Variants in ARAP2 observed in about 807,000 individuals in gnomAD.
ARAP2 encodes ArfGAP with RhoGAP domain, ankyrin repeat and PH domain 2, also known as arf-GAP with Rho-GAP domain, ANK repeat and PH domain-containing protein 2.
In ARAP2, 148 loss-of-function variants were observed where a neutral mutation model predicts 194.5. The ratio of observed to expected loss-of-function variants is 0.76; its 90% confidence interval spans 0.67 to 0.87. The LOEUF (loss-of-function observed/expected upper bound fraction) is 0.87. Ranked by LOEUF, ARAP2 falls within the 40% of genes least tolerant of loss-of-function variation. The pLI is 0.00. For missense variants in ARAP2, 2,128 were observed against 1,989.7 expected (o/e 1.07, Z -1.32); for synonymous variants, 695 against 683.5 (o/e 1.02, Z -0.26).
In ARAP2 at chr4:36,137,696, A is replaced by G. The variant is rs73809125; in HGVS notation, c.3264-4307T>C. Among the ~76,000 whole-genome samples the G allele has an allele frequency of 5.3e-3, 809 of 151,844 alleles. 11 individuals are homozygous for G. Among genetic ancestry groups the G allele is most frequent in the African/African-American group, 0.018 (762 of 41,460 alleles). On this transcript the variant is annotated intron_variant, in intron 19 of 32. Coordinates refer to ENST00000303965, the MANE Select transcript of ARAP2 (RefSeq NM_015230.4). ...CTAAGAGCCAGAAACAACGTGTTTA[A>G]GGTATCAGAACTAGGTAGGAATTGC...
chr4:36,240,804 T>C (rs1012648856), intron 1 of ARAP2, among the ~76,000 whole-genome samples: 10 of 152,184 alleles, frequency 6.6e-5, no homozygotes, highest in African/African-American at 1.4e-4. Flanking sequence ...ATTTTACTTA[T>C]AGCACAATCT....
chr4:36,060,119 T>C lies in ARAP2; in HGVS notation n.148-1976A>G, dbSNP rs1445894079. Among the ~76,000 whole-genome samples, 4 of 152,296 alleles carry C rather than the reference T, an allele frequency of 2.6e-5. No homozygotes were observed. The East Asian group carries it at 5.8e-4, about 22-fold the overall frequency. On this transcript the variant is annotated intron_variant and non_coding_transcript_variant, in intron 1 of 12. Coordinates refer to the ARAP2 transcript ENST00000503225. ...AGCCAGTCAACAGGCTGTAAAATCA[T>C]GGTTTGGGTCAGCTGGGTTGATTGA...
chr4:36,210,272 C>T lies in ARAP2; in HGVS notation c.1487+118G>A. The T allele has an allele frequency of 3.4e-6, 3 of 889,868 alleles. No individual in the cohort carries two copies. In the South Asian group the frequency reaches 5.7e-5, roughly 17 times the overall value. The allele number at this position is 889,868 out of a possible 1,614,324, so 55.1% of individuals were successfully genotyped here. On this transcript the variant is annotated intron_variant, in intron 6 of 32. Transcript: ENST00000303965. Reference sequence around the variant, plus strand: ...CTGAAAGTCCCTAAAAATGGCATCTCTGTGTATGTGTGTGTGTGGCGGTGG... The same window carrying T: ...CTGAAAGTCCCTAAAAATGGCATCTTTGTGTATGTGTGTGTGTGGCGGTGG...
intron 7 of ARAP2, among the ~76,000 whole-genome samples, chr4:36,191,839 G>C (rs1270541597): frequency 6.6e-6 from 1 of 152,052 alleles, no homozygotes; most frequent in African/African-American, 2.4e-5. Context: ...TTTCTTTGCA[G>C]GGGATAAAAT....
intron 3 of ARAP2, among the ~76,000 whole-genome samples, chr4:36,050,902 A>C (rs1722554375): frequency 6.6e-6 from 1 of 152,226 alleles, no homozygotes. Context: ...CCATCACTGA[A>C]ATCTGACTTA....
chr4:36,244,480 G>C lies in ARAP2; in HGVS notation c.-461C>G, dbSNP rs1336388521. The C allele has an allele frequency of 1.3e-5, 2 of 150,892 alleles. No homozygotes were observed. The highest frequency in any genetic ancestry group is 2.4e-5 in the African/African-American group (1 of 41,260). 9.3% of individuals were successfully genotyped at this position (150,892 alleles called of 1,614,324 possible). A position where few individuals can be genotyped will look rare whatever the true frequency, so the allele number is the denominator to read the frequency against. ...AGCCCGGCGCCCGCGCCTTGCTCAGGTGCTCCCGCGCCTCGCCTCGGCCGC... is the reference window on the plus strand; with the variant it reads ...AGCCCGGCGCCCGCGCCTTGCTCAGCTGCTCCCGCGCCTCGCCTCGGCCGC... On this transcript the variant is annotated 5_prime_UTR_variant, in exon 1 of 33. Transcript: ENST00000303965.
chr4:36,094,600 A>ATTC (rs1714678480), intron 27 of ARAP2, among the ~76,000 whole-genome samples: 1 of 152,184 alleles, frequency 6.6e-6, no homozygotes, highest in African/African-American at 2.4e-5. Flanking sequence ...ATTCCCAGGA[A>ATTC]CACAACAGAA....
At chr4:36,109,805 T>C in intron 26 of ARAP2, among the ~76,000 whole-genome samples, 1 of 151,832 alleles carries the variant, frequency 6.6e-6, no homozygotes, top group South Asian at 2.1e-4. Context: ...GTTGGTGTGC[T>C]GCACCCATTA....
chr4:36,135,718 A>G (rs1351106985), intron 19 of ARAP2, among the ~76,000 whole-genome samples: 1 of 151,808 alleles, frequency 6.6e-6, no homozygotes, highest in Non-Finnish European at 1.5e-5. Context: ...TGATTATGTG[A>G]ACTTAATCAA....
At chr4:36,021,722 T>C (rs935982474) in intron 5 of ARAP2, among the ~76,000 whole-genome samples, 5 of 152,084 alleles carry the variant, frequency 3.3e-5, no homozygotes, top group African/African-American at 1.2e-4. Flanking sequence ...CAGCCTAATA[T>C]AGGATATGTG....
chr4:36,205,597 T>C (rs1278378021), intron 6 of ARAP2, among the ~76,000 whole-genome samples: 1 of 63,926 alleles, frequency 1.6e-5, no homozygotes, highest in Non-Finnish European at 3.1e-5. Flanking sequence ...TAAAATGGTG[T>C]CCTGAAAAAA....
At chr4:36,119,240 T>A (rs910889998) in intron 24 of ARAP2, among the ~76,000 whole-genome samples, 5 of 151,516 alleles carry the variant, frequency 3.3e-5, no homozygotes, top group Non-Finnish European at 7.4e-5. Context: ...TATGAAAGCA[T>A]GCAAAGCAAA....
At chr4:36,122,352 G>A (rs1722862664) in intron 22 of ARAP2, among the ~76,000 whole-genome samples, 2 of 151,600 alleles carry the variant, frequency 1.3e-5, no homozygotes, top group South Asian at 4.2e-4. Flanking sequence ...CAAAACCAAA[G>A]ACATTAAATC....
intron 8 of ARAP2, among the ~76,000 whole-genome samples, chr4:36,180,204 T>G (rs182807452): frequency 2.6e-5 from 4 of 152,006 alleles, no homozygotes; most frequent in Admixed American, 2.6e-4. Flanking sequence ...CCTGGGAGAC[T>G]GAGGTTGCAG....
At chr4:36,065,992 G>C (rs1206099913), downstream of ARAP2, 2 of 152,104 alleles carry the variant, frequency 1.3e-5, no homozygotes, top group African/African-American at 2.4e-5. Flanking sequence ...AAATAATAAA[G>C]TCACATTCAA....
At chr4:36,081,217 G>A (rs1031584966) in intron 30 of ARAP2, among the ~76,000 whole-genome samples, 1 of 152,058 alleles carries the variant, frequency 6.6e-6, no homozygotes, top group Non-Finnish European at 1.5e-5. Flanking sequence ...AAATACTGTA[G>A]GTGCAAAGAA....
At chr4:36,008,372 C>G (rs1345076011) in intron 9 of ARAP2, among the ~76,000 whole-genome samples, 2 of 151,942 alleles carry the variant, frequency 1.3e-5, no homozygotes, top group Non-Finnish European at 2.9e-5. Context: ...GAATAGAGAA[C>G]CCAGAAATAC....
intron 31 of ARAP2, 76 bp downstream of exon 31, chr4:36,080,140 G>T: frequency 8.2e-7 from 1 of 1,226,156 alleles, no homozygotes; most frequent in Non-Finnish European, 1.2e-6. Flanking sequence ...AAATTCTTTA[G>T]AAATCACCAT....
At chr4:36,093,632 A>C (rs1459997406) in intron 27 of ARAP2, among the ~76,000 whole-genome samples, 1 of 152,136 alleles carries the variant, frequency 6.6e-6, no homozygotes, top group East Asian at 1.9e-4. Flanking sequence ...AACTTAAAAA[A>C]AAATTGTATT....
Sources: gnomAD v4.1 joint callset for allele counts (sites outside exome capture counted in the v4.1 genomes callset) on GRCh38, gnomAD v4.1.1 for gene constraint, MANE v1.5 for transcripts, NCBI Gene and HGNC (gene_info 2026-07-23, HGNC 2026-07-21) for gene names.